The following LYSMD2 variants were observed in gnomAD, a reference collection of about 807,000 sequenced individuals.
The protein encoded by LYSMD2 is lysM and putative peptidoglycan-binding domain-containing protein 2.
A neutral mutation model predicts 17.7 loss-of-function variants in LYSMD2; 6 were observed. The ratio of observed to expected loss-of-function variants is 0.34; its 90% CI spans 0.19 to 0.67. The LOEUF (loss-of-function observed/expected upper bound fraction) is 0.67, where lower values mean the gene tolerates loss of function less well. Among genes scored for constraint, LYSMD2 ranks in the 30% least tolerant of loss-of-function variants. LYSMD2 has a pLI of 0.69. For missense variants in LYSMD2, 237 were observed against 286.7 expected, an observed-to-expected ratio of 0.83 and a Z score of 1.25; for synonymous variants, 102 against 129.8, an observed-to-expected ratio of 0.79 and a Z score of 1.45.
At position 51,723,490 on chromosome 15, in the gene LYSMD2, T is replaced by C. The variant is rs548917025; in HGVS notation, c.*117A>G. The C allele has an allele frequency of 2.4e-6, 2 of 831,896 alleles. No individual in the cohort carries two copies. Among genetic ancestry groups the C allele is most frequent in the African/African-American group, 3.4e-5 (2 of 59,124 alleles). The allele number at this position is 831,896 out of a possible 1,614,324, so 51.5% of individuals were successfully genotyped here. Reference sequence around the variant, plus strand: ...TGCAGCAGGTAGAACTACCTAGTTATGATTTTAAGATGGACACTATAGGAA... The same window carrying C: ...TGCAGCAGGTAGAACTACCTAGTTACGATTTTAAGATGGACACTATAGGAA... On this transcript the variant is annotated 3_prime_UTR_variant, in exon 3 of 3. Transcript: ENST00000267838.
chr15:51,736,541 C>G (rs986891113), intron 1 of LYSMD2, among the ~76,000 whole-genome samples: 2 of 152,240 alleles, frequency 1.3e-5, no homozygotes, highest in Non-Finnish European at 2.9e-5. Context: ...GATCCTCTTT[C>G]TTCCCATTGC....
chr15:51,723,465 T>A lies in LYSMD2; in HGVS notation c.*142A>T. 1.4e-6 allele frequency: 1 copy of A among 697,700 alleles called. No homozygotes were observed. Among genetic ancestry groups the A allele is most frequent in the African/African-American group, 1.8e-5 (1 of 55,460 alleles). The allele number at this position is 697,700 out of a possible 1,614,324, so 43.2% of individuals were successfully genotyped here. A position where few individuals can be genotyped will look rare whatever the true frequency, so the allele number is the denominator to read the frequency against. On this transcript the variant is annotated 3_prime_UTR_variant, in exon 3 of 3. Transcript: ENST00000267838. ...AGGGAACTAATCACTTCAGTGCAAC[T>A]GCAGCAGGTAGAACTACCTAGTTAT...
At chr15:51,748,566 C>T (rs1013093600) in intron 1 of LYSMD2, among the ~76,000 whole-genome samples, 1 of 152,156 alleles carries the variant, frequency 6.6e-6, no homozygotes, top group Non-Finnish European at 1.5e-5. Context: ...CAAATTGACT[C>T]AACAATAAGG....
intron 1 of LYSMD2, among the ~76,000 whole-genome samples, chr15:51,736,892 C>A (rs1439570873): frequency 1.3e-5 from 2 of 152,362 alleles, no homozygotes; most frequent in Admixed American, 6.5e-5. Context: ...ACAACTGCAC[C>A]ATTCCTGACT....
At chr15:51,727,776 T>G (rs902923528) in intron 1 of LYSMD2, among the ~76,000 whole-genome samples, 1 of 152,150 alleles carries the variant, frequency 6.6e-6, no homozygotes, top group African/African-American at 2.4e-5. Flanking sequence ...CTTCCTAAAG[T>G]CAGGGGCTCC....
intron 1 of LYSMD2, among the ~76,000 whole-genome samples, chr15:51,745,591 A>T (rs757589487): frequency 6.6e-6 from 1 of 152,184 alleles, no homozygotes; most frequent in African/African-American, 2.4e-5. Context: ...AATAAACAGG[A>T]ACTCCCTCAA....
intron 1 of LYSMD2, among the ~76,000 whole-genome samples, chr15:51,747,005 C>A (rs1310248607): frequency 2.1e-5 from 3 of 140,334 alleles, no homozygotes; most frequent in African/African-American, 5.4e-5. Flanking sequence ...CATGGTGAAA[C>A]CCTGTCTCTA....
At chr15:51,723,723 A>T (rs2055518039) in intron 2 of LYSMD2, 74 bp from the exon 3 acceptor site, 2 of 1,077,802 alleles carry the variant, frequency 1.9e-6, no homozygotes, top group Admixed American at 5.0e-5. Flanking sequence ...AACTTATTAT[A>T]CAATATCCAC....
At chr15:51,747,204 C>CCAA (rs373911081) in intron 1 of LYSMD2, among the ~76,000 whole-genome samples, 54 of 139,400 alleles carry the variant, frequency 3.9e-4, no homozygotes, top group South Asian at 1.9e-3. Flanking sequence ...TGTCTCAAAA[C>CCAA]CAACAACAAC....
upstream of LYSMD2, among the ~76,000 whole-genome samples, chr15:51,740,238 C>T (rs991682852): frequency 6.6e-6 from 1 of 152,112 alleles, no homozygotes; most frequent in Non-Finnish European, 1.5e-5. Flanking sequence ...GGATTACAGG[C>T]CTGAGCCACC....
chr15:51,737,823 G>T (rs28699115), upstream of LYSMD2: 134,037 of 336,378 alleles, frequency 0.4, 27,086 homozygotes, highest in Admixed American at 0.45. This position sits in a 1 kb window ranked among gnomAD's most constrained non-coding sequence, Gnocchi z 4.2. Context: ...TGCCCCGGGC[G>T]CCCGCGGCAC....
chr15:51,733,309 C>T (rs980563088), intron 1 of LYSMD2, among the ~76,000 whole-genome samples: 1 of 151,462 alleles, frequency 6.6e-6, no homozygotes, highest in Non-Finnish European at 1.5e-5. Context: ...TTTCATTATG[C>T]TTATCAATAT....
At chr15:51,739,804 G>A (rs762102553), upstream of LYSMD2, among the ~76,000 whole-genome samples, 26 of 152,240 alleles carry the variant, frequency 1.7e-4, no homozygotes, top group Non-Finnish European at 8.8e-5. Context: ...GCCTACTCCT[G>A]TAGTTCCAGC....
chr15:51,735,487 G>C (rs777882046), intron 1 of LYSMD2, among the ~76,000 whole-genome samples: 1 of 152,182 alleles, frequency 6.6e-6, no homozygotes, highest in East Asian at 1.9e-4. Flanking sequence ...GTGCAACAAA[G>C]AGTTATCTGG....
intron 1 of LYSMD2, chr15:51,751,230 C>A: frequency 1.4e-6 from 1 of 701,376 alleles, no homozygotes; most frequent in Admixed American, 2.0e-5. Context: ...CTCCCACGCC[C>A]ACGCCCAGCC....
intron 1 of LYSMD2, among the ~76,000 whole-genome samples, chr15:51,743,313 A>G (rs58041881): frequency 0.015 from 2,217 of 152,252 alleles, 51 homozygotes; most frequent in African/African-American, 0.051. Flanking sequence ...TGAACAGTAT[A>G]AGGTCTGTGT....
At chr15:51,725,325 T>G (rs1443002482) in intron 1 of LYSMD2, among the ~76,000 whole-genome samples, 1 of 152,242 alleles carries the variant, frequency 6.6e-6, no homozygotes, top group Non-Finnish European at 1.5e-5. Flanking sequence ...TCCCAATTTT[T>G]AAAAAGGACA....
chr15:51,743,023 T>G (rs1351613030), intron 1 of LYSMD2, among the ~76,000 whole-genome samples: 1 of 152,248 alleles, frequency 6.6e-6, no homozygotes, highest in Non-Finnish European at 1.5e-5. Context: ...ATTTTGTCTT[T>G]CATGGATCAT....
chr15:51,746,108 C>T (rs926311225), intron 1 of LYSMD2, among the ~76,000 whole-genome samples: 3 of 152,054 alleles, frequency 2.0e-5, no homozygotes. Context: ...TAGATATATA[C>T]CCAAGAGAAA....
Sources: gnomAD v4.1 joint callset for allele counts (sites outside exome capture counted in the v4.1 genomes callset) on GRCh38, gnomAD v4.1.1 for gene constraint, Gnocchi (gnomAD v3.1) non-coding constraint, MANE v1.5 for transcripts, NCBI Gene and HGNC (gene_info 2026-07-23, HGNC 2026-07-21) for gene names.